FAM184B: variants seen among roughly 807,000 people sequenced by gnomAD.
FAM184B encodes the protein family with sequence similarity 184 member B, also known as protein FAM184B.
A neutral mutation model predicts 135.9 loss-of-function variants in FAM184B; 111 were observed. The observed-to-expected ratio is 0.82, with a 90% CI of 0.70 to 0.96. The LOEUF (loss-of-function observed/expected upper bound fraction) is 0.96. Among genes scored for constraint, FAM184B ranks in the 40% least tolerant of loss-of-function variants. The pLI is 0.00. For synonymous variants in FAM184B, 552 were observed against 524.8 expected, an observed-to-expected ratio of 1.05 and a Z score of -0.71; for missense variants, 1,375 against 1,323.9, an observed-to-expected ratio of 1.04 and a Z score of -0.60.
At chr4:17,757,421 C>T (rs1718447320) in intron 1 of FAM184B, among the ~76,000 whole-genome samples, 1 of 152,046 alleles carries the variant, frequency 6.6e-6, no homozygotes, top group Non-Finnish European at 1.5e-5. Flanking sequence ...AATGTAAGTA[C>T]TAGAAGAAAA....
chr4:17,723,456 G>A (rs571321273), intron 1 of FAM184B, among the ~76,000 whole-genome samples: 146 of 152,296 alleles, frequency 9.6e-4, no homozygotes, highest in African/African-American at 3.2e-3. Flanking sequence ...ACGTGGCCTC[G>A]AGTGTAGCAG....
intron 1 of FAM184B, among the ~76,000 whole-genome samples, chr4:17,733,622 G>C (rs1052348376): frequency 1.5e-4 from 23 of 152,226 alleles, no homozygotes; most frequent in African/African-American, 5.3e-4. Context: ...CAATTTACAA[G>C]GGATGTGAAG....
chr4:17,766,423 G>T (rs577854647), intron 1 of FAM184B, among the ~76,000 whole-genome samples: 2 of 152,130 alleles, frequency 1.3e-5, no homozygotes. Flanking sequence ...TAGACATAAA[G>T]GTTCTCCAAG....
At chr4:17,670,204 T>G (rs952515242) in intron 7 of FAM184B, among the ~76,000 whole-genome samples, 1 of 152,206 alleles carries the variant, frequency 6.6e-6, no homozygotes, top group African/African-American at 2.4e-5. Context: ...TTAAATGTAT[T>G]CATTAGAAAA....
chr4:17,726,883 C>A (rs1464194376), intron 1 of FAM184B, among the ~76,000 whole-genome samples: 1 of 152,174 alleles, frequency 6.6e-6, no homozygotes, highest in Non-Finnish European at 1.5e-5. Context: ...TGGCTAGTGT[C>A]ATGGACCTAA....
chr4:17,684,528 A>G (rs1716532946), intron 7 of FAM184B, among the ~76,000 whole-genome samples: 1 of 152,246 alleles, frequency 6.6e-6, no homozygotes, highest in African/African-American at 2.4e-5. Flanking sequence ...CAGATATTTA[A>G]GCTGTTACTA....
At chr4:17,684,084 A>C (rs28480159) in intron 7 of FAM184B, among the ~76,000 whole-genome samples, 78,074 of 116,458 alleles carry the variant, frequency 0.67, 22,914 homozygotes, top group East Asian at 0.85. Context: ...AATAATAATA[A>C]TAGTAATTAC....
At chr4:17,690,417 A>G (rs568312118) in intron 6 of FAM184B, among the ~76,000 whole-genome samples, 1 of 152,274 alleles carries the variant, frequency 6.6e-6, no homozygotes, top group Non-Finnish European at 1.5e-5. Flanking sequence ...GTTCGGCCCA[A>G]ATTGTGAAGA....
intron 1 of FAM184B, among the ~76,000 whole-genome samples, chr4:17,712,417 C>T (rs142826568): frequency 6.6e-5 from 10 of 152,098 alleles, no homozygotes; most frequent in South Asian, 4.2e-4. Flanking sequence ...ATGCCAAACA[C>T]GACACTGGCT....
rs537623903 is a variant in FAM184B, at chr4:17,660,640, A to C, written c.1695-553T>G. Reference sequence around the variant, plus strand: ...AGGAAATGCTAGTTTAAAGCTGCAAAAGTTTCTGCATTCTAGATAAGATGC... The same window carrying C: ...AGGAAATGCTAGTTTAAAGCTGCAACAGTTTCTGCATTCTAGATAAGATGC... On this transcript the variant is annotated intron_variant, in intron 8 of 17. Transcript: ENST00000265018. Among the ~76,000 whole-genome samples the C allele has an allele frequency of 2.0e-5, 3 of 152,042 alleles. No individual in the cohort carries two copies. In the South Asian group the frequency reaches 6.2e-4, roughly 32 times the overall value.
intron 16 of FAM184B, 27 bp from the exon 17 acceptor site, chr4:17,633,915 G>A (rs1456133568): frequency 7.4e-7 from 1 of 1,357,984 alleles, no homozygotes; most frequent in Middle Eastern, 2.1e-4. Context: ...ACAGGTTAGT[G>A]CAATGCAATG....
intron 7 of FAM184B, among the ~76,000 whole-genome samples, chr4:17,684,656 G>C (rs1436380531): frequency 6.6e-6 from 1 of 152,188 alleles, no homozygotes; most frequent in Non-Finnish European, 1.5e-5. Flanking sequence ...TGAATAACGT[G>C]CATATTGAGT....
At chr4:17,666,724 G>A (rs928337809) in intron 7 of FAM184B, among the ~76,000 whole-genome samples, 1 of 151,440 alleles carries the variant, frequency 6.6e-6, no homozygotes, top group African/African-American at 2.4e-5. Context: ...TACATATCAC[G>A]GCCTAACGTT....
At chr4:17,751,889 C>T (rs1301649516) in intron 1 of FAM184B, among the ~76,000 whole-genome samples, 1 of 140,922 alleles carries the variant, frequency 7.1e-6, no homozygotes, top group Non-Finnish European at 1.6e-5. Context: ...CACGCAAGTT[C>T]AGACAGGTAG....
At chr4:17,698,381 A>G (rs1002510324) in intron 5 of FAM184B, among the ~76,000 whole-genome samples, 4 of 150,590 alleles carry the variant, frequency 2.7e-5, no homozygotes, top group Non-Finnish European at 5.9e-5. Flanking sequence ...AATTACAGGT[A>G]ATTAAGGAAA....
At chr4:17,674,708 T>A (rs961766219) in intron 7 of FAM184B, among the ~76,000 whole-genome samples, 1 of 152,220 alleles carries the variant, frequency 6.6e-6, no homozygotes, top group Non-Finnish European at 1.5e-5. Context: ...ACTAAGTTCA[T>A]GTAATATTCT....
chr4:17,684,339 CACA>C (rs1716528597), intron 7 of FAM184B, among the ~76,000 whole-genome samples: 1 of 151,476 alleles, frequency 6.6e-6, no homozygotes, highest in South Asian at 2.1e-4. Flanking sequence ...GAAAATAAAA[CACA>C]ACAAGTAGTT....
At chr4:17,653,291 A>G (rs1266701671) in intron 10 of FAM184B, among the ~76,000 whole-genome samples, 1 of 152,222 alleles carries the variant, frequency 6.6e-6, no homozygotes, top group Non-Finnish European at 1.5e-5. Context: ...AGACTGACAG[A>G]CAGATACTGA....
chr4:17,705,001 C>G lies in FAM184B; in HGVS notation c.1376G>C (p.Arg459Thr). 1 of 1,551,562 alleles carries G rather than the reference C, an allele frequency of 6.4e-7. No individual in the cohort carries two copies. Among genetic ancestry groups the G allele is most frequent in the Non-Finnish European group, 8.7e-7 (1 of 1,146,928 alleles). Residue 459 changes from arginine to threonine, a missense_variant and splice_region_variant, in exon 5 of 18, where the codon AGG (arginine) becomes ACG (threonine). Physicochemically the swap from Arg to Thr is moderately conservative, Grantham distance 71. Transcript: ENST00000265018. ...AGTCTCTATGGAAGTAGGTCTCACC[C>G]TCTGCAGTTTCTTTCTTTCAGCCTC... ...SVEAERKKLQ[R>T]EVEAQLEEVR...
Sources: gnomAD v4.1 joint callset for allele counts (sites outside exome capture counted in the v4.1 genomes callset) on GRCh38, gnomAD v4.1.1 for gene constraint, MANE v1.5 for transcripts, NCBI Gene and HGNC (gene_info 2026-07-23, HGNC 2026-07-21) for gene names.